Variants in PARD3 observed in about 807,000 individuals in gnomAD.
The protein encoded by PARD3 is par-3 family cell polarity regulator, also known as partitioning defective 3 homolog.
A neutral mutation model predicts 155.4 loss-of-function variants in PARD3; 75 were observed. That is an observed-to-expected ratio of 0.48 (90% CI 0.40 to 0.58). The LOEUF is 0.58. Among genes scored for constraint, PARD3 ranks in the 20% least tolerant of loss-of-function variants. PARD3 has a pLI of 0.00. For synonymous variants in PARD3, 576 were observed against 610.5 expected (o/e 0.94, Z 0.83); for missense variants, 1,642 against 1,721.7 (o/e 0.95, Z 0.82).
rs541751444 is a variant in PARD3 at position 34,756,701 on chromosome 10, G to C, written c.120+58175C>G. ...ACTGCTAGCATCAAGCAATCCTCCC[G>C]CCTCAGCCTCCTTAAGTCTGGGATT... On this transcript the variant is annotated intron_variant, in intron 1 of 24. Coordinates refer to ENST00000374788, the MANE Select transcript of PARD3 (RefSeq NM_001184785.2). Among the ~76,000 whole-genome samples, 8 of 151,950 alleles carry C rather than the reference G, an allele frequency of 5.3e-5. No homozygotes were observed. In the South Asian group the frequency reaches 1.7e-3, roughly 32 times the overall value.
intron 8 of PARD3, among the ~76,000 whole-genome samples, chr10:34,383,412 CTT>C (rs1842050885): frequency 1.3e-5 from 2 of 151,754 alleles, no homozygotes; most frequent in African/African-American, 4.9e-5. Context: ...CACACACACA[CTT>C]AGAAGACTAT....
chr10:34,777,592 C>G (rs759058763), intron 1 of PARD3, among the ~76,000 whole-genome samples: 1 of 152,166 alleles, frequency 6.6e-6, no homozygotes, highest in South Asian at 2.1e-4. Context: ...GGCTGGAATA[C>G]AGTGGTGCAA....
At chr10:34,314,382 T>C (rs1172157959) in intron 20 of PARD3, among the ~76,000 whole-genome samples, 1 of 152,164 alleles carries the variant, frequency 6.6e-6, no homozygotes, top group African/African-American at 2.4e-5. Context: ...AGAGCCAACA[T>C]TCAATAACAA....
At chr10:34,119,953 G>C (rs1296082570) in intron 23 of PARD3, among the ~76,000 whole-genome samples, 1 of 149,652 alleles carries the variant, frequency 6.7e-6, no homozygotes, top group Non-Finnish European at 1.5e-5. Context: ...TGTGATTTTG[G>C]CTTTGGCATG....
intron 5 of PARD3, among the ~76,000 whole-genome samples, chr10:34,411,100 A>T (rs995124891): frequency 3.3e-5 from 5 of 152,184 alleles, no homozygotes; most frequent in African/African-American, 1.2e-4. Context: ...TGCAAGTAGG[A>T]TAAAATCTTA....
intron 5 of PARD3, among the ~76,000 whole-genome samples, chr10:34,446,999 CCTCT>C (rs148960173): frequency 0.019 from 2,928 of 152,130 alleles, 45 homozygotes; most frequent in Non-Finnish European, 0.033. Flanking sequence ...GCAACTAAAC[CCTCT>C]CTGAGTACCC....
rs149842188 is a variant in PARD3 at position 34,266,016 on chromosome 10, A to G, written c.3419+3641T>C. ...TTTGTGCAAGAGTTTAGATTTAAGA[A>G]ACATTATTGGCCACATTAAGTTAAT... On this transcript the variant is annotated intron_variant, in intron 22 of 24. Coordinates refer to ENST00000374788, the MANE Select transcript of PARD3 (RefSeq NM_001184785.2). 2.6e-3 allele frequency among the ~76,000 whole-genome samples: 397 copies of G among 152,344 alleles called. 4 individuals are homozygous for G. In the South Asian group the frequency reaches 0.027, roughly 10 times the overall value.
intron 2 of PARD3, among the ~76,000 whole-genome samples, chr10:34,546,580 G>A (rs1326970627): frequency 6.6e-6 from 1 of 151,556 alleles, no homozygotes; most frequent in Non-Finnish European, 1.5e-5. Context: ...CTGTCACCCG[G>A]GCTGGCCTGG....
chr10:34,331,019 C>A, intron 19 of PARD3, 98 bp downstream of exon 19: 1 of 822,454 alleles, frequency 1.2e-6, no homozygotes, highest in Non-Finnish European at 2.0e-6. Context: ...TCAGAGATTA[C>A]CCTGAAGAAT....
At chr10:34,424,126 C>T (rs1420858859) in intron 5 of PARD3, among the ~76,000 whole-genome samples, 2 of 152,078 alleles carry the variant, frequency 1.3e-5, no homozygotes, top group African/African-American at 4.8e-5. Flanking sequence ...ATAATACAAA[C>T]ATAATAGAAA....
At chr10:34,738,730 G>A (rs1001205890) in intron 1 of PARD3, among the ~76,000 whole-genome samples, 3 of 152,104 alleles carry the variant, frequency 2.0e-5, no homozygotes, top group African/African-American at 4.8e-5. Flanking sequence ...TCCAGCCTAG[G>A]TGACAGAGTG....
At chr10:34,395,083 G>A (rs1187796321) in intron 7 of PARD3, among the ~76,000 whole-genome samples, 1 of 152,140 alleles carries the variant, frequency 6.6e-6, no homozygotes, top group Non-Finnish European at 1.5e-5. Context: ...CACCTAGGCT[G>A]GAGTGCAGTG....
intron 2 of PARD3, among the ~76,000 whole-genome samples, chr10:34,676,245 C>G (rs981096891): frequency 2.6e-5 from 4 of 152,176 alleles, no homozygotes; most frequent in Non-Finnish European, 5.9e-5. Context: ...TCTACGGAAA[C>G]CTTACCTCAA....
intron 2 of PARD3, among the ~76,000 whole-genome samples, chr10:34,581,229 C>CTTTTTTTTTTTT (rs1564376327): frequency 2.1e-5 from 2 of 95,152 alleles, no homozygotes; most frequent in African/African-American, 9.1e-5. Context: ...TTTTCTTTTT[C>CTTTTTTTTTTTT]TTTTCTTTTT....
chr10:34,720,724 G>C (rs770281055), intron 1 of PARD3, among the ~76,000 whole-genome samples: 1 of 151,960 alleles, frequency 6.6e-6, no homozygotes, highest in Non-Finnish European at 1.5e-5. Flanking sequence ...TTGAACTAGG[G>C]AGGCGGAGGT....
At chr10:34,660,373 C>T (rs2093290540) in intron 2 of PARD3, among the ~76,000 whole-genome samples, 1 of 152,132 alleles carries the variant, frequency 6.6e-6, no homozygotes, top group African/African-American at 2.4e-5. Context: ...ATTATCTATG[C>T]TTATTTTTCT....
chr10:34,583,875 A>AT (rs2087741700), intron 2 of PARD3, among the ~76,000 whole-genome samples: 1 of 152,194 alleles, frequency 6.6e-6, no homozygotes, highest in African/African-American at 2.4e-5. Flanking sequence ...AAAATTGAAG[A>AT]TTAAAAAAAA....
intron 22 of PARD3, among the ~76,000 whole-genome samples, chr10:34,187,659 T>C (rs965869271): frequency 2.0e-5 from 3 of 152,238 alleles, no homozygotes; most frequent in Admixed American, 2.0e-4. Context: ...ACCTCCTTTC[T>C]GTGATTCAGA....
chr10:34,617,487 T>C (rs921059144), intron 2 of PARD3, among the ~76,000 whole-genome samples: 14 of 152,134 alleles, frequency 9.2e-5, no homozygotes, highest in Non-Finnish European at 1.8e-4. Context: ...TTTTTAATGT[T>C]CCCAATACAA....
Sources: allele counts gnomAD v4.1 joint callset (sites outside exome capture counted in the v4.1 genomes callset), GRCh38; gene constraint gnomAD v4.1.1; transcripts MANE v1.5; gene names NCBI Gene and HGNC (gene_info 2026-07-23, HGNC 2026-07-21).